Variants in SGCZ observed in about 807,000 individuals in gnomAD.
SGCZ encodes zeta-sarcoglycan.
In SGCZ, 40 loss-of-function variants were observed where a neutral mutation model predicts 41.3. The ratio of observed to expected loss-of-function variants is 0.97; its 90% confidence interval spans 0.75 to 1.26. The LOEUF (loss-of-function observed/expected upper bound fraction) is 1.26. Ranked by LOEUF, SGCZ falls within the 50% of genes most tolerant of loss-of-function variation. SGCZ has a pLI of 0.00. For missense variants in SGCZ, 552 were observed against 369.8 expected (o/e 1.49, Z -4.04); for synonymous variants, 206 against 137.5 (o/e 1.50, Z -3.49).
chr8:14,996,150 A>G (rs1563421003), intron 1 of SGCZ, among the ~76,000 whole-genome samples: 2 of 152,040 alleles, frequency 1.3e-5, no homozygotes, highest in Admixed American at 6.5e-5. Flanking sequence ...TGATCTGCCC[A>G]CCTCAACCTC....
At chr8:14,796,600 C>T (rs749939200) in intron 1 of SGCZ, among the ~76,000 whole-genome samples, 4 of 152,082 alleles carry the variant, frequency 2.6e-5, no homozygotes, top group Admixed American at 6.6e-5. Flanking sequence ...AGAAATCATT[C>T]GGAATCTGGT....
Position 14,237,636 on chromosome 8 carries a change from T to C in SGCZ, c.380A>G (p.Asn127Ser). The change falls in exon 4 of 8, where the codon AAT becomes AGT. Residue 127 changes from asparagine to serine, a missense_variant. By Grantham distance (46) the Asn-to-Ser change is conservative. Transcript: ENST00000382080. ...VLQSDRNVTV[N>S]ARNHMGQLTG... ...TAACTGCCCCATGTGATTTCTTGCATTCACTGTGACATTCCTGTCAGACTG... is the reference window on the plus strand; with the variant it reads ...TAACTGCCCCATGTGATTTCTTGCACTCACTGTGACATTCCTGTCAGACTG... 6.2e-7 allele frequency: 1 copy of C among 1,613,966 alleles called. No homozygotes were observed. Among genetic ancestry groups the C allele is most frequent in the South Asian group, 1.1e-5 (1 of 91,072 alleles).
chr8:14,193,808 T>C (rs1446894765), intron 4 of SGCZ, among the ~76,000 whole-genome samples: 1 of 151,942 alleles, frequency 6.6e-6, no homozygotes, highest in Non-Finnish European at 1.5e-5. Flanking sequence ...TGTATTTGCA[T>C]AAAATTATTC....
At chr8:14,671,693 C>A (rs1585170522) in intron 1 of SGCZ, among the ~76,000 whole-genome samples, 1 of 152,032 alleles carries the variant, frequency 6.6e-6, no homozygotes. Context: ...TGCATTTTCA[C>A]TTTTAAGCCA....
intron 1 of SGCZ, among the ~76,000 whole-genome samples, chr8:14,833,947 G>A (rs190894384): frequency 8.7e-4 from 132 of 152,220 alleles, no homozygotes; most frequent in African/African-American, 3.0e-3. Context: ...TTTTAGCCTC[G>A]CTTAGAAATA....
chr8:14,132,595 A>T (rs1459398941), intron 5 of SGCZ, among the ~76,000 whole-genome samples: 5 of 152,060 alleles, frequency 3.3e-5, no homozygotes, highest in Non-Finnish European at 7.4e-5. Flanking sequence ...GTTTTTGTCC[A>T]TGTTTTTCTT....
intron 1 of SGCZ, among the ~76,000 whole-genome samples, chr8:14,732,521 C>T (rs889046373): frequency 6.6e-6 from 1 of 152,176 alleles, no homozygotes; most frequent in African/African-American, 2.4e-5. Context: ...AGCTGGAAAG[C>T]CCAGTCCCAC....
chr8:14,832,377 T>A (rs1344290631), intron 1 of SGCZ, among the ~76,000 whole-genome samples: 1 of 152,116 alleles, frequency 6.6e-6, no homozygotes, highest in Non-Finnish European at 1.5e-5. Context: ...ATCCCTGAAT[T>A]TACACAAAAT....
At chr8:14,608,444 G>A (rs1009329892) in intron 1 of SGCZ, among the ~76,000 whole-genome samples, 17 of 149,820 alleles carry the variant, frequency 1.1e-4, no homozygotes, top group African/African-American at 2.9e-4. Context: ...GCAAAGGGGC[G>A]GGGAGGCGGG....
chr8:14,179,376 G>C (rs545345853), intron 4 of SGCZ, among the ~76,000 whole-genome samples: 3 of 152,262 alleles, frequency 2.0e-5, no homozygotes, highest in Admixed American at 6.5e-5. Flanking sequence ...ACCTTTTCTA[G>C]TATCCCTTTA....
At chr8:14,318,119 T>G (rs755847152) in intron 3 of SGCZ, among the ~76,000 whole-genome samples, 2 of 151,634 alleles carry the variant, frequency 1.3e-5, no homozygotes, top group Non-Finnish European at 2.9e-5. Flanking sequence ...AATAAAAATA[T>G]GACTATTCCA....
chr8:14,442,379 T>C (rs1800296762), intron 2 of SGCZ, among the ~76,000 whole-genome samples: 1 of 152,198 alleles, frequency 6.6e-6, no homozygotes, highest in South Asian at 2.1e-4. Flanking sequence ...CTCCTTTACC[T>C]TCCACCATGA....
At chr8:14,696,510 T>A (rs1808968585) in intron 1 of SGCZ, among the ~76,000 whole-genome samples, 2 of 152,150 alleles carry the variant, frequency 1.3e-5, no homozygotes, top group South Asian at 4.1e-4. Context: ...CTGCTTTGCA[T>A]TTGTAATAAG....
chr8:14,688,641 A>T (rs2410206), intron 1 of SGCZ, among the ~76,000 whole-genome samples: 123,069 of 152,036 alleles, frequency 0.81, 50,536 homozygotes, highest in African/African-American at 0.94. Context: ...CGCCTCCAGC[A>T]TTGTACTTTT....
rs186394311 is a variant in SGCZ at position 14,594,364 on chromosome 8, G to A, written c.40-39438C>T. ...CCTAACCTTAGGAAACACTGATGTA[G>A]CATTAAAAAAAAACATGAAAACTGG... On this transcript the variant is annotated intron_variant, in intron 1 of 7. Coordinates refer to ENST00000382080, the MANE Select transcript of SGCZ (RefSeq NM_139167.4). 8.9e-4 allele frequency among the ~76,000 whole-genome samples: 135 copies of A among 151,768 alleles called. 1 individual carries two copies. Among genetic ancestry groups the A allele is most frequent in the African/African-American group, 3.2e-3 (132 of 41,398 alleles).
At position 14,088,833 on chromosome 8, in the gene SGCZ, T is replaced by A. The variant is rs1801603502; in HGVS notation, c.*1610A>T. Among the ~76,000 whole-genome samples, 1 of 151,880 alleles carries A rather than the reference T, an allele frequency of 6.6e-6. No individual in the cohort carries two copies. Among genetic ancestry groups the A allele is most frequent in the South Asian group, 2.1e-4 (1 of 4,836 alleles). ...AATATTTCTACTTTCACTAACCACATCTTTTGCAACAAGTTCTAATCTCCC... is the reference window on the plus strand; with the variant it reads ...AATATTTCTACTTTCACTAACCACAACTTTTGCAACAAGTTCTAATCTCCC... On this transcript the variant is annotated 3_prime_UTR_variant, in exon 8 of 8. Coordinates refer to ENST00000382080, the MANE Select transcript of SGCZ (RefSeq NM_139167.4).
chr8:15,081,106 A>G (rs1189000828), intron 1 of SGCZ, among the ~76,000 whole-genome samples: 2 of 152,170 alleles, frequency 1.3e-5, no homozygotes, highest in African/African-American at 4.8e-5. Flanking sequence ...AGCGCATGCT[A>G]CTTTGTATGG....
chr8:14,737,867 A>C (rs1458113636), intron 1 of SGCZ, among the ~76,000 whole-genome samples: 3 of 152,166 alleles, frequency 2.0e-5, no homozygotes, highest in Non-Finnish European at 4.4e-5. Flanking sequence ...TTTAGGTAGA[A>C]GAGAGTTTAT....
intron 1 of SGCZ, among the ~76,000 whole-genome samples, chr8:14,814,435 T>A (rs377299490): frequency 6.6e-6 from 1 of 152,042 alleles, no homozygotes; most frequent in Non-Finnish European, 1.5e-5. Flanking sequence ...GCAGGGCCAA[T>A]AGCACTTTCC....
Sources: gnomAD v4.1 joint callset for allele counts (sites outside exome capture counted in the v4.1 genomes callset) on GRCh38, gnomAD v4.1.1 for gene constraint, MANE v1.5 for transcripts, NCBI Gene and HGNC (gene_info 2026-07-23, HGNC 2026-07-21) for gene names.